The following PTPRB variants were observed in gnomAD, a reference collection of about 807,000 sequenced individuals.
PTPRB encodes receptor-type tyrosine-protein phosphatase beta.
A neutral mutation model predicts 238.1 loss-of-function variants in PTPRB; 97 were observed. The observed-to-expected ratio is 0.41, with a 90% CI of 0.35 to 0.48. The LOEUF is 0.48. Among genes scored for constraint, PTPRB ranks in the 20% least tolerant of loss-of-function variants. The probability of loss-of-function intolerance (pLI) is 0.30; values close to 1 mark genes in which losing one functional copy is unlikely to be tolerated. For missense variants in PTPRB, 2,292 were observed against 2,681.9 expected (o/e 0.85, Z 3.21); for synonymous variants, 970 against 995.4 (o/e 0.97, Z 0.48).
At chr12:70,576,759 C>G in intron 10 of PTPRB, 114 bp from the exon 11 acceptor site, 1 of 631,672 alleles carries the variant, frequency 1.6e-6, no homozygotes, top group East Asian at 2.8e-5. Flanking sequence ...TGGACTCACT[C>G]AGGAGATCTA....
chr12:70,538,933 T>C lies in PTPRB; in HGVS notation c.5860A>G (p.Ile1954Val). Reference sequence around the variant, plus strand: ...TTGACACAAAACTTACAGGGCAATATATTGTTGTATCGATTTTTCCCTCTA... The same window carrying C: ...TTGACACAAAACTTACAGGGCAATACATTGTTGTATCGATTTTTCCCTCTA... Reference protein sequence around the residue: ...ENRGKNRYNNILPYDATRVKL... With the variant: ...ENRGKNRYNNVLPYDATRVKL... The change falls in exon 27 of 34, where the codon ATA becomes GTA. Residue 1954 changes from isoleucine (I) to valine (V), a missense_variant. Coordinates refer to ENST00000334414, the MANE Select transcript of PTPRB (RefSeq NM_001109754.4). 6.2e-7 allele frequency: 1 copy of C among 1,612,306 alleles called. No homozygotes were observed. Among genetic ancestry groups the C allele is most frequent in the South Asian group, 1.1e-5 (1 of 90,628 alleles).
intron 16 of PTPRB, among the ~76,000 whole-genome samples, chr12:70,562,055 A>G (rs1469962928): frequency 1.3e-5 from 2 of 152,254 alleles, no homozygotes; most frequent in South Asian, 4.1e-4. Context: ...GGATTGCTTT[A>G]GCCCAGGAGT....
chr12:70,540,030 A>G lies in PTPRB; in HGVS notation c.5595-8T>C. On this transcript the variant is annotated splice_polypyrimidine_tract_variant and splice_region_variant and intron_variant, in intron 23 of 33. Coordinates refer to ENST00000334414, the MANE Select transcript of PTPRB (RefSeq NM_001109754.4). ...GGTCTTTCTCGACCATGGCTGAAAC[A>G]TAAGGGAGATAACTTTTATTCTGAT... The G allele has an allele frequency of 6.3e-7, 1 of 1,590,470 alleles. No individual in the cohort carries two copies. The highest frequency in any genetic ancestry group is 8.6e-7 in the Non-Finnish European group (1 of 1,159,380).
intron 23 of PTPRB, chr12:70,540,244 C>T: frequency 2.2e-6 from 1 of 462,808 alleles, no homozygotes; most frequent in Non-Finnish European, 3.8e-6. Flanking sequence ...GATTTGTCTC[C>T]TGGTTTTTGG....
intron 3 of PTPRB, among the ~76,000 whole-genome samples, chr12:70,611,583 T>G (rs1279235337): frequency 6.6e-6 from 1 of 152,198 alleles, no homozygotes; most frequent in Non-Finnish European, 1.5e-5. Context: ...TACAGGCGTG[T>G]GCCACCGTGC....
At chr12:70,636,661 T>C (rs1885710000) in intron 1 of PTPRB, among the ~76,000 whole-genome samples, 1 of 152,228 alleles carries the variant, frequency 6.6e-6, no homozygotes, top group South Asian at 2.1e-4. Context: ...AATGAAAGTA[T>C]TGATTATCAC....
chr12:70,625,551 GT>G (rs373089273), intron 2 of PTPRB, among the ~76,000 whole-genome samples: 20,711 of 147,090 alleles, frequency 0.14, 2,266 homozygotes, highest in African/African-American at 0.3. Flanking sequence ...AGATGATTAA[GT>G]TTTTTTTTTT....
At chr12:70,608,949 T>A in intron 4 of PTPRB, 120 bp downstream of exon 4, 2 of 1,324,012 alleles carry the variant, frequency 1.5e-6, no homozygotes, top group Non-Finnish European at 1.0e-6. Context: ...AATATTTATC[T>A]TCACAGGTAT....
intron 13 of PTPRB, 166 bp downstream of exon 13, chr12:70,570,860 T>C: frequency 2.6e-6 from 2 of 765,932 alleles, no homozygotes; most frequent in South Asian, 3.7e-5. Context: ...TACTTTATTT[T>C]CATTCATCCA....
intron 32 of PTPRB, among the ~76,000 whole-genome samples, chr12:70,530,461 G>A (rs906304501): frequency 2.0e-5 from 3 of 149,622 alleles, no homozygotes; most frequent in African/African-American, 7.6e-5. Context: ...ATATACACAT[G>A]TACACATATA....
rs763131497 is a variant in PTPRB, at chr12:70,560,983, AT to A, written c.4169-50del. 17 of 1,559,456 alleles carry A rather than the reference AT, an allele frequency of 1.1e-5. No homozygotes were observed. The East Asian group carries it at 3.8e-4, about 35-fold the overall frequency. ...CTGAGAACAAAACAGAAACACAGGC[AT>A]TTTGGCCCACAGGTGAGAGTATATG... On this transcript the variant is annotated intron_variant, in intron 16 of 33. Coordinates refer to ENST00000334414, the MANE Select transcript of PTPRB (RefSeq NM_001109754.4). This position sits in a 1 kb window ranked among gnomAD's most constrained non-coding sequence, Gnocchi z 4.2.
At position 70,555,940 on chromosome 12, in the gene PTPRB, C is replaced by T. The variant is rs1877604309; in HGVS notation, c.4923G>A (p.Val1641=). 2 of 1,613,796 alleles carry T rather than the reference C, an allele frequency of 1.2e-6. No individual in the cohort carries two copies. The highest frequency in any genetic ancestry group is 1.1e-5 in the South Asian group (1 of 91,078). Residue 1641 remains valine (V), a synonymous_variant, in exon 19 of 34, where the codon GTG becomes GTA. Transcript: ENST00000334414. ...TGCCGGCCGACTGCACTTTGATGGA[C>T]ACCAGGTACCTCTTATGGGGCACTA... is the stretch of plus-strand genomic sequence containing the variant. ...MMLVPHKRYL[V]SIKVQSAGMT...
chr12:70,550,654 C>T (rs12298054), intron 21 of PTPRB, among the ~76,000 whole-genome samples: 1,570 of 152,188 alleles, frequency 0.01, 28 homozygotes, highest in African/African-American at 0.036. Flanking sequence ...CAAAGACCTC[C>T]GCAGTTACTA....
At chr12:70,583,505 G>A (rs1421896369) in intron 9 of PTPRB, among the ~76,000 whole-genome samples, 1 of 152,114 alleles carries the variant, frequency 6.6e-6, no homozygotes, top group Non-Finnish European at 1.5e-5. Flanking sequence ...GAGGTAAAGT[G>A]TAGATTTTTC....
rs147424169 is a variant in PTPRB, at chr12:70,569,861, C to T, written c.3448G>A (p.Gly1150Arg). The change falls in exon 14 of 34, where the codon GGG (glycine) becomes AGG (arginine). Residue 1150 changes from glycine (G) to arginine (R), a missense_variant. Transcript: ENST00000334414. ...DSLTVNWTPG[G>R]GDVDSYTVSA... Reference sequence around the variant, plus strand: ...ACCGTGTAGGAATCAACGTCTCCCCCACCAGGAGTCCAGTTCACCGTCAGG... The same window carrying T: ...ACCGTGTAGGAATCAACGTCTCCCCTACCAGGAGTCCAGTTCACCGTCAGG... The T allele has an allele frequency of 2.5e-6, 4 of 1,613,990 alleles. No homozygotes were observed. Among genetic ancestry groups the T allele is most frequent in the African/African-American group, 1.3e-5 (1 of 75,040 alleles).
chr12:70,590,225 T>C lies in PTPRB; in HGVS notation c.1789A>G (p.Lys597Glu), dbSNP rs772707281. The C allele has an allele frequency of 6.4e-6, 10 of 1,563,674 alleles. No individual in the cohort carries two copies. The highest frequency in any genetic ancestry group is 1.4e-5 in the African/African-American group (1 of 73,558). Residue 597 changes from lysine (K) to glutamate (E), a missense_variant, in exon 8 of 34, where the codon AAA becomes GAA. Around this residue, in one of 4 missense-constraint regions of PTPRB, gnomAD observed 1,205 missense variants for 1,287.8 expected, o/e 0.94. Coordinates refer to ENST00000334414, the MANE Select transcript of PTPRB (RefSeq NM_001109754.4). ...TTGTTTGCCTCCAGGTTTGCAACTT[T>C]GTCTGGAACTAAACGGTGAAATGAT... ...KMAVGRTFPD[K>E]VANLEANNNG...
At chr12:70,628,080 T>G (rs963301738) in intron 2 of PTPRB, among the ~76,000 whole-genome samples, 1 of 152,166 alleles carries the variant, frequency 6.6e-6, no homozygotes, top group African/African-American at 2.4e-5. Context: ...GTTTAGTTCA[T>G]CAGCAAAATC....
intron 32 of PTPRB, among the ~76,000 whole-genome samples, chr12:70,530,493 CACATACAT>C (rs796350822): frequency 3.1e-5 from 2 of 65,566 alleles, no homozygotes; most frequent in African/African-American, 1.3e-4. Context: ...ATGTATTACA[CACATACAT>C]ATATACATAC....
chr12:70,521,701 A>G (rs1871677164), intron 33 of PTPRB, among the ~76,000 whole-genome samples, 190 bp from the exon 34 acceptor site: 1 of 152,190 alleles, frequency 6.6e-6, no homozygotes, highest in Non-Finnish European at 1.5e-5. Context: ...GGAAGGGACT[A>G]GTGATTCTAG....
Sources: gnomAD v4.1 joint callset for allele counts (sites outside exome capture counted in the v4.1 genomes callset) on GRCh38, gnomAD v4.1.1 for gene constraint, gnomAD v4.1.1 regional missense constraint, Gnocchi (gnomAD v3.1) non-coding constraint, MANE v1.5 for transcripts, NCBI Gene and HGNC (gene_info 2026-07-23, HGNC 2026-07-21) for gene names.